Variants in CUEDC1 observed in about 807,000 individuals in gnomAD.
The protein encoded by CUEDC1 is CUE domain-containing protein 1.
A neutral mutation model predicts 43.7 loss-of-function variants in CUEDC1; 30 were observed. That is an observed-to-expected ratio of 0.69 (90% CI 0.51 to 0.93). The LOEUF is 0.93. Ranked by LOEUF, CUEDC1 falls within the 40% of genes least tolerant of loss-of-function variation. The probability of loss-of-function intolerance (pLI) is 0.00; values close to 1 mark genes in which losing one functional copy is unlikely to be tolerated. For synonymous variants in CUEDC1, 223 were observed against 223.6 expected, an observed-to-expected ratio of 1.00 and a Z score of 0.02; for missense variants, 486 against 549.0, an observed-to-expected ratio of 0.89 and a Z score of 1.15.
Position 57,867,402 on chromosome 17 carries a change from CG to C in CUEDC1, c.1047del (p.Ala350ArgfsTer98). On this transcript the variant is annotated frameshift_variant, in exon 9 of 11. Coordinates refer to ENST00000577830, the MANE Select transcript of CUEDC1 (RefSeq NM_001271875.2). LOFTEE classifies it high-confidence loss of function. ...TCATCCAGGAGGTTGGCTGTTGACGCGGCAGCCCCCAGCCTGCCAGGCCATT... is the reference window on the plus strand; with the variant it reads ...TCATCCAGGAGGTTGGCTGTTGACGCGCAGCCCCCAGCCTGCCAGGCCATT... ...HLLKHQSLGA[A>X]ASTANLLDDV... is the part of the protein sequence containing the mutation. 3.9e-6 allele frequency: 6 copies of C among 1,552,502 alleles called. No individual in the cohort carries two copies. The highest frequency in any genetic ancestry group is 5.2e-6 in the Non-Finnish European group (6 of 1,147,392).
chr17:57,941,635 TA>T (rs2074918054), intron 1 of CUEDC1, among the ~76,000 whole-genome samples: 1 of 152,200 alleles, frequency 6.6e-6, no homozygotes, highest in African/African-American at 2.4e-5. Flanking sequence ...TTTTTCACAG[TA>T]AAAGGTTAAA....
At chr17:57,884,501 C>T (rs770551813) in intron 2 of CUEDC1, among the ~76,000 whole-genome samples, 2 of 152,110 alleles carry the variant, frequency 1.3e-5, no homozygotes, top group African/African-American at 2.4e-5. Flanking sequence ...CGGCCCCAGC[C>T]GCACTCTTTT....
intron 1 of CUEDC1, among the ~76,000 whole-genome samples, chr17:57,931,051 A>G (rs2074798812): frequency 6.6e-6 from 1 of 152,068 alleles, no homozygotes; most frequent in African/African-American, 2.4e-5. Flanking sequence ...CACTTAAGGA[A>G]GCTGAGACAG....
chr17:57,942,382 G>C (rs1281579747), intron 1 of CUEDC1, among the ~76,000 whole-genome samples: 1 of 151,792 alleles, frequency 6.6e-6, no homozygotes, highest in East Asian at 1.9e-4. Context: ...TTTTTCGTTT[G>C]TTTGTTTGGT....
At position 57,905,249 on chromosome 17, in the gene CUEDC1, GACACACACACACACACACACACACAC is replaced by G. The variant is rs761744709; in HGVS notation, c.-315-19396_-315-19371del. Among the ~76,000 whole-genome samples, 4 of 127,928 alleles carry G rather than the reference GACACACACACACACACACACACACAC, an allele frequency of 3.1e-5. No homozygotes were observed. The Admixed American group carries it at 3.2e-4, about 10-fold the overall frequency. 83.9% of individuals were successfully genotyped at this position (127,928 alleles called of 152,430 possible). On this transcript the variant is annotated intron_variant, in intron 1 of 10. Transcript: ENST00000577830. ...GGCTACAGCTTCTCTCTCTCTCTCT[GACACACACACACACACACACACACAC>G]ACACACACACACACACTCCAGCCTG...
chr17:57,932,584 CAAAAAAAAAAAAAAA>C (rs58304648), intron 1 of CUEDC1, among the ~76,000 whole-genome samples: 2 of 46,494 alleles, frequency 4.3e-5, no homozygotes, highest in Non-Finnish European at 7.7e-5. Flanking sequence ...GACTCTGTCT[CAAAAAAAAAAAAAAA>C]AAAAAAAAAA....
intron 1 of CUEDC1, among the ~76,000 whole-genome samples, chr17:57,912,770 G>A (rs919227309): frequency 1.3e-5 from 2 of 152,162 alleles, no homozygotes; most frequent in South Asian, 2.1e-4. Flanking sequence ...AATTCTAAAC[G>A]TATACAGGCC....
Position 57,871,343 on chromosome 17 carries a change from A to G in CUEDC1, c.811T>C (p.Ser271Pro). 1 of 1,613,984 alleles carries G rather than the reference A, an allele frequency of 6.2e-7. No homozygotes were observed. Among genetic ancestry groups the G allele is most frequent in the Non-Finnish European group, 8.5e-7 (1 of 1,179,964 alleles). ...RDRLKYESQKSKSSSVAVGND... is the reference protein window; with the variant it reads ...RDRLKYESQKPKSSSVAVGND... ...CCGACAGCCACGCTGCTGGATTTAG[A>G]TTTCTGGGATTCGTATTTCAATCGA... Residue 271 changes from serine (S) to proline (P), a missense_variant, in exon 6 of 11, where the codon TCT (serine) becomes CCT (proline). By Grantham distance (74) the Ser-to-Pro change is moderately conservative. Coordinates refer to ENST00000577830, the MANE Select transcript of CUEDC1 (RefSeq NM_001271875.2).
intron 1 of CUEDC1, among the ~76,000 whole-genome samples, chr17:57,889,952 A>T (rs111475829): frequency 5.8e-4 from 89 of 152,364 alleles, no homozygotes; most frequent in African/African-American, 2.0e-3. Flanking sequence ...TTTTGCAACT[A>T]GCACTGCTCA....
At chr17:57,942,829 T>C (rs1033041710) in intron 1 of CUEDC1, among the ~76,000 whole-genome samples, 1 of 151,500 alleles carries the variant, frequency 6.6e-6, no homozygotes, top group African/African-American at 2.4e-5. Context: ...GAGATCGAGA[T>C]CATCCTGGCT....
chr17:57,927,572 T>A (rs1438321595), intron 1 of CUEDC1, among the ~76,000 whole-genome samples: 2 of 152,170 alleles, frequency 1.3e-5, no homozygotes. Context: ...TGGAAATTAC[T>A]GAATAGGAGC....
At chr17:57,876,365 T>C (rs1243721973) in intron 3 of CUEDC1, among the ~76,000 whole-genome samples, 1 of 152,140 alleles carries the variant, frequency 6.6e-6, no homozygotes. Flanking sequence ...CGCCTCCCTG[T>C]CCTCTGCTTC....
intron 1 of CUEDC1, among the ~76,000 whole-genome samples, chr17:57,910,573 G>A (rs2143053374): frequency 6.6e-6 from 1 of 151,480 alleles, no homozygotes; most frequent in East Asian, 1.9e-4. Flanking sequence ...ACCACCCTGG[G>A]CAACATGGTG....
intron 1 of CUEDC1, among the ~76,000 whole-genome samples, chr17:57,918,426 T>C (rs899782028): frequency 1.3e-5 from 2 of 152,206 alleles, no homozygotes; most frequent in African/African-American, 4.8e-5. Flanking sequence ...CCCTGGGTTA[T>C]AAAAGCCACC....
intron 3 of CUEDC1, among the ~76,000 whole-genome samples, chr17:57,873,933 C>T (rs903177828): frequency 2.0e-5 from 3 of 152,252 alleles, no homozygotes; most frequent in Non-Finnish European, 4.4e-5. Context: ...TCTCCAGTCA[C>T]TCAGTGCCCT....
At chr17:57,900,652 A>G (rs1305430463) in intron 1 of CUEDC1, among the ~76,000 whole-genome samples, 1 of 152,248 alleles carries the variant, frequency 6.6e-6, no homozygotes, top group Non-Finnish European at 1.5e-5. Flanking sequence ...CATCATCACC[A>G]TTTTATAGAT....
intron 1 of CUEDC1, among the ~76,000 whole-genome samples, chr17:57,891,147 C>A (rs1274815115): frequency 2.6e-5 from 4 of 152,170 alleles, no homozygotes; most frequent in African/African-American, 9.7e-5. Context: ...CTCATGGGCA[C>A]TCCCCTCAAC....
intron 8 of CUEDC1, 123 bp downstream of exon 8, chr17:57,868,027 G>A (rs2073984771): frequency 1.3e-6 from 1 of 769,012 alleles, no homozygotes; most frequent in Admixed American, 2.1e-5. Context: ...GAGGAGGAAG[G>A]GAAGGCCACA....
intron 1 of CUEDC1, among the ~76,000 whole-genome samples, chr17:57,950,486 T>C (rs1455747474): frequency 6.6e-6 from 1 of 150,852 alleles, no homozygotes; most frequent in East Asian, 1.9e-4. Flanking sequence ...TATTTTTTTT[T>C]TTTTGAGACA....
Sources: allele counts gnomAD v4.1 joint callset (sites outside exome capture counted in the v4.1 genomes callset), GRCh38; gene constraint gnomAD v4.1.1; transcripts MANE v1.5; gene names NCBI Gene and HGNC (gene_info 2026-07-23, HGNC 2026-07-21).